Variants in LRP12 observed in about 807,000 individuals in gnomAD.
LRP12 encodes the protein low-density lipoprotein receptor-related protein 12.
LRP12 carries 14 observed loss-of-function variants against 66.0 expected under a neutral mutation model. That is an observed-to-expected ratio of 0.21 (90% CI 0.14 to 0.33). LRP12 has a LOEUF of 0.33. Ranked by LOEUF, LRP12 falls within the 10% of genes least tolerant of loss-of-function variation. The pLI is 1.00. For missense variants in LRP12, 889 were observed against 1,053.4 expected, an observed-to-expected ratio of 0.84 and a Z score of 2.16; for synonymous variants, 357 against 359.1, an observed-to-expected ratio of 0.99 and a Z score of 0.07.
chr8:104,508,159 G>A (rs180722449), intron 3 of LRP12: 3 of 151,984 alleles, frequency 2.0e-5, no homozygotes, highest in Middle Eastern at 3.4e-3. Context: ...TTCTTCATTC[G>A]GGCTATTTTT....
At chr8:104,534,834 T>C (rs1811372026) in intron 1 of LRP12, among the ~76,000 whole-genome samples, 1 of 151,822 alleles carries the variant, frequency 6.6e-6, no homozygotes, top group Non-Finnish European at 1.5e-5. Flanking sequence ...AGGTTACCAG[T>C]AGATAGCCCA....
chr8:104,566,908 G>A (rs959893053), intron 1 of LRP12, among the ~76,000 whole-genome samples: 2 of 151,958 alleles, frequency 1.3e-5, no homozygotes, highest in Non-Finnish European at 2.9e-5. Flanking sequence ...GTGAAATTAT[G>A]GGTAACCTCC....
intron 1 of LRP12, among the ~76,000 whole-genome samples, chr8:104,538,045 T>C (rs1811414926): frequency 6.6e-6 from 1 of 152,172 alleles, no homozygotes; most frequent in Non-Finnish European, 1.5e-5. Context: ...CCAAAAGCCT[T>C]GATATTCATT....
At chr8:104,557,426 G>C (rs750239569) in intron 1 of LRP12, among the ~76,000 whole-genome samples, 1 of 151,414 alleles carries the variant, frequency 6.6e-6, no homozygotes, top group Non-Finnish European at 1.5e-5. Flanking sequence ...ATGAATTCAG[G>C]AAAGTTTCAG....
intron 2 of LRP12, among the ~76,000 whole-genome samples, chr8:104,525,196 C>T (rs1291269456): frequency 1.3e-5 from 2 of 151,978 alleles, no homozygotes; most frequent in African/African-American, 4.8e-5. Flanking sequence ...GTCTTTTCTC[C>T]TTTCTCTAGC....
At chr8:104,548,474 C>CTATAT (rs957096241) in intron 1 of LRP12, among the ~76,000 whole-genome samples, 1 of 111,850 alleles carries the variant, frequency 8.9e-6, no homozygotes, top group Non-Finnish European at 1.7e-5. Flanking sequence ...ATATATAATT[C>CTATAT]TATATTATAT....
At chr8:104,547,576 AT>A in intron 1 of LRP12, among the ~76,000 whole-genome samples, 1 of 123,324 alleles carries the variant, frequency 8.1e-6, no homozygotes, top group Non-Finnish European at 1.6e-5. Flanking sequence ...AATAATTATT[AT>A]ATATTAATAT....
At chr8:104,548,329 T>C (rs1453976585) in intron 1 of LRP12, among the ~76,000 whole-genome samples, 14 of 9,342 alleles carry the variant, frequency 1.5e-3, no homozygotes, top group Admixed American at 0.012. Context: ...ATATAATATA[T>C]ATTATATAAA....
intron 2 of LRP12, among the ~76,000 whole-genome samples, chr8:104,524,307 T>A (rs1391551053): frequency 6.6e-6 from 1 of 151,630 alleles, no homozygotes; most frequent in East Asian, 1.9e-4. Flanking sequence ...TTTAATTGAA[T>A]GTTTATGTTG....
chr8:104,521,660 T>C (rs942897874), intron 2 of LRP12, among the ~76,000 whole-genome samples: 2 of 151,616 alleles, frequency 1.3e-5, no homozygotes, highest in Non-Finnish European at 3.0e-5. Context: ...TCCCTACTCA[T>C]TTTCTTTATA....
At chr8:104,498,382 A>T (rs1163644927) in intron 4 of LRP12, among the ~76,000 whole-genome samples, 2 of 52,190 alleles carry the variant, frequency 3.8e-5, no homozygotes, top group Non-Finnish European at 8.1e-5. Context: ...CTCCCACCCC[A>T]CCCTCCCTAG....
At chr8:104,534,212 T>A (rs1402055657) in intron 1 of LRP12, among the ~76,000 whole-genome samples, 1 of 152,058 alleles carries the variant, frequency 6.6e-6, no homozygotes, top group Non-Finnish European at 1.5e-5. Context: ...ATGTTTCAGA[T>A]GAGCAGTAAA....
chr8:104,553,332 G>C (rs1036583867), intron 1 of LRP12, among the ~76,000 whole-genome samples: 1 of 152,208 alleles, frequency 6.6e-6, no homozygotes, highest in African/African-American at 2.4e-5. Flanking sequence ...CAGCAGGGAA[G>C]TTTGTAGACT....
At chr8:104,517,229 G>C (rs1450206084) in intron 2 of LRP12, among the ~76,000 whole-genome samples, 1 of 149,444 alleles carries the variant, frequency 6.7e-6, no homozygotes, top group Non-Finnish European at 1.5e-5. Flanking sequence ...TGCATAACAA[G>C]TAACTTTAGG....
intron 1 of LRP12, among the ~76,000 whole-genome samples, chr8:104,542,881 G>A (rs1344317454): frequency 1.3e-5 from 2 of 151,962 alleles, no homozygotes; most frequent in East Asian, 3.9e-4. Flanking sequence ...AGAGGAGGAG[G>A]AGGAAGTGGT....
intron 2 of LRP12, among the ~76,000 whole-genome samples, chr8:104,525,566 A>T (rs1412609718): frequency 6.6e-6 from 1 of 152,220 alleles, no homozygotes; most frequent in Non-Finnish European, 1.5e-5. Flanking sequence ...TATGCCTAAT[A>T]AGAAAAGTTA....
rs114803317 is a variant in LRP12, at chr8:104,552,661, A to T, written c.80-20698T>A. Among the ~76,000 whole-genome samples the T allele has an allele frequency of 5.0e-3, 758 of 152,304 alleles. 9 individuals are homozygous for T. Among genetic ancestry groups the T allele is most frequent in the African/African-American group, 0.017 (713 of 41,562 alleles). ...TGGCATTTTTCTACAGAAATATCAC[A>T]TGTGAAGCAGAGAATTATCCTTTTT... On this transcript the variant is annotated intron_variant, in intron 1 of 6. Transcript: ENST00000276654.
chr8:104,566,181 T>C (rs1812001808), intron 1 of LRP12: 1 of 651,154 alleles, frequency 1.5e-6, no homozygotes, highest in Non-Finnish European at 2.4e-6. Flanking sequence ...AGATTCTTGA[T>C]GTTCTTGAGC....
At chr8:104,533,339 C>T (rs901534677) in intron 1 of LRP12, among the ~76,000 whole-genome samples, 19 of 152,012 alleles carry the variant, frequency 1.2e-4, no homozygotes, top group African/African-American at 4.1e-4. Context: ...AGAAACAAAA[C>T]ATGAAACTGA....
Sources: allele counts gnomAD v4.1 joint callset (sites outside exome capture counted in the v4.1 genomes callset), GRCh38; gene constraint gnomAD v4.1.1; transcripts MANE v1.5; gene names NCBI Gene and HGNC (gene_info 2026-07-23, HGNC 2026-07-21).